Variants in PCNX2 observed in about 807,000 individuals in gnomAD.
PCNX2 encodes the protein pecanex-like protein 2.
In PCNX2, 168 loss-of-function variants were observed where a neutral mutation model predicts 223.8. The observed-to-expected ratio is 0.75, with a 90% CI of 0.66 to 0.85. The LOEUF (loss-of-function observed/expected upper bound fraction) is 0.85. PCNX2 is among the 40% of genes least tolerant of loss of function. PCNX2 has a pLI of 0.00. For synonymous variants in PCNX2, 1,006 were observed against 1,052.6 expected (o/e 0.96, Z 0.86); for missense variants, 2,507 against 2,675.5 (o/e 0.94, Z 1.39).
intron 32 of PCNX2, 113 bp from the exon 33 acceptor site, chr1:232,986,653 ACC>A (rs1487904715): frequency 2.1e-6 from 2 of 957,136 alleles, no homozygotes; most frequent in Non-Finnish European, 3.0e-6. Flanking sequence ...TCCTCAGTGC[ACC>A]ACCTGCAAGG....
intron 21 of PCNX2, among the ~76,000 whole-genome samples, chr1:233,107,960 C>A (rs1187620908): frequency 6.6e-6 from 1 of 152,156 alleles, no homozygotes; most frequent in African/African-American, 2.4e-5. Flanking sequence ...ACCAAGATGG[C>A]GATGAGCGTG....
chr1:233,204,637 T>C (rs758939551), intron 13 of PCNX2, among the ~76,000 whole-genome samples: 12 of 152,200 alleles, frequency 7.9e-5, no homozygotes, highest in African/African-American at 1.4e-4. Context: ...AGAAAAGTAG[T>C]GTAAGCCACT....
At chr1:233,204,160 T>C (rs950258056) in intron 13 of PCNX2, among the ~76,000 whole-genome samples, 15 of 152,180 alleles carry the variant, frequency 9.9e-5, no homozygotes, top group African/African-American at 3.4e-4. Context: ...TAATTCAATA[T>C]GACTGGTGTC....
intron 8 of PCNX2, among the ~76,000 whole-genome samples, chr1:233,248,978 C>A (rs1372549974): frequency 6.6e-6 from 1 of 151,990 alleles, no homozygotes; most frequent in African/African-American, 2.4e-5. Flanking sequence ...AAAGGAAATG[C>A]AGAGGAAATG....
Position 233,054,289 on chromosome 1 carries a change from G to A in PCNX2, c.4330C>T (p.Leu1444Phe). The A allele has an allele frequency of 6.2e-7, 1 of 1,613,712 alleles. No homozygotes were observed. The highest frequency in any genetic ancestry group is 8.5e-7 in the Non-Finnish European group (1 of 1,179,740). The change falls in exon 25 of 34, where the codon CTT (leucine) becomes TTT (phenylalanine). Residue 1444 changes from leucine to phenylalanine, a missense_variant. Coordinates refer to ENST00000258229, the MANE Select transcript of PCNX2 (RefSeq NM_014801.4). The part of the protein sequence containing the change: ...EIGNGLVTFQ[L>F]RGLEFRGTYC... ...TTACCTCGGAATTCCAGTCCTCGAAGTTGAAAGGTGACAAGACCATTTCCA... is the reference window on the plus strand; with the variant it reads ...TTACCTCGGAATTCCAGTCCTCGAAATTGAAAGGTGACAAGACCATTTCCA...
At chr1:233,102,189 A>ATGT (rs1674523267) in intron 21 of PCNX2, among the ~76,000 whole-genome samples, 1 of 149,020 alleles carries the variant, frequency 6.7e-6, no homozygotes, top group Admixed American at 6.8e-5. Flanking sequence ...AGTTCCAATC[A>ATGT]TGTTGTTGCA....
At chr1:233,095,633 T>G (rs1674114367) in intron 22 of PCNX2, 122 bp downstream of exon 22, 3 of 903,400 alleles carry the variant, frequency 3.3e-6, no homozygotes. Context: ...CCTCTTCATG[T>G]CCCCATTAAA....
rs778061205 is a variant in PCNX2, at chr1:233,236,720, C to T, written c.2358+125G>A. 7 of 1,395,616 alleles carry T rather than the reference C, an allele frequency of 5.0e-6. No individual in the cohort carries two copies. The East Asian group carries it at 9.2e-5, about 18-fold the overall frequency. 86.5% of individuals were successfully genotyped at this position (1,395,616 alleles called of 1,614,324 possible). A position where few individuals can be genotyped will look rare whatever the true frequency, so the allele number is the denominator to read the frequency against. ...AGACTGCCTTGCAGTGATATATCAA[C>T]AACCCGTGATGCAAAATTCAGGGAA... On this transcript the variant is annotated intron_variant, in intron 9 of 33. Transcript: ENST00000258229.
At chr1:233,222,373 T>C (rs747212706) in intron 10 of PCNX2, among the ~76,000 whole-genome samples, 53 of 152,048 alleles carry the variant, frequency 3.5e-4, no homozygotes, top group Non-Finnish European at 6.8e-4. Flanking sequence ...GCAGTGACGT[T>C]GAAAAGACAT....
At chr1:233,019,106 A>G (rs1298741854) in intron 26 of PCNX2, 6 of 985,086 alleles carry the variant, frequency 6.1e-6, no homozygotes, top group Non-Finnish European at 7.2e-6. Context: ...TTAGGACTTT[A>G]GCAGGTGAAG....
intron 32 of PCNX2, among the ~76,000 whole-genome samples, chr1:232,996,995 T>C (rs1323396558): frequency 6.6e-6 from 1 of 152,186 alleles, no homozygotes; most frequent in Non-Finnish European, 1.5e-5. Flanking sequence ...ACTGTTTCTC[T>C]ACCTACGCTT....
Position 233,243,229 on chromosome 1 carries a change from T to C in PCNX2, c.2223-6249A>G, listed in dbSNP as rs148607198. Among the ~76,000 whole-genome samples, 1,230 of 152,326 alleles carry C rather than the reference T, an allele frequency of 8.1e-3. 16 individuals carry two copies. The highest frequency in any genetic ancestry group is 0.028 in the African/African-American group (1,166 of 41,558). ...CTTGGGAGTCAGGGATATAAAACTG[T>C]CACACGGTAACAAGGCTCAACAATA... On this transcript the variant is annotated intron_variant, in intron 8 of 33. Transcript: ENST00000258229.
At chr1:233,302,791 C>T in the PCNX2 span, among the ~76,000 whole-genome samples, 4 of 152,100 alleles carry the variant, frequency 2.6e-5, no homozygotes, top group East Asian at 3.9e-4. Context: ...TAGATTATTT[C>T]GAAGTATATT....
intron 32 of PCNX2, among the ~76,000 whole-genome samples, chr1:232,997,044 A>G (rs1558150037): frequency 6.6e-6 from 1 of 152,222 alleles, no homozygotes. Flanking sequence ...GGTTGATGAA[A>G]GCCTCAAAGG....
intron 8 of PCNX2, among the ~76,000 whole-genome samples, chr1:233,247,493 G>A (rs1339006602): frequency 1.3e-5 from 2 of 152,098 alleles, no homozygotes; most frequent in Non-Finnish European, 2.9e-5. Context: ...GCTATGTTTT[G>A]TTTTGTTTTT....
At chr1:233,281,253 T>C (rs1661180189) in intron 1 of PCNX2, among the ~76,000 whole-genome samples, 1 of 152,220 alleles carries the variant, frequency 6.6e-6, no homozygotes, top group Admixed American at 6.5e-5. Context: ...CTAATTGTAG[T>C]CTTGAAAACA....
rs1428365647 is a variant in PCNX2 at position 233,000,659 on chromosome 1, CTGT to C, written c.5098-127_5098-125del. The C allele has an allele frequency of 1.1e-5, 8 of 750,728 alleles. No individual in the cohort carries two copies. Among genetic ancestry groups the C allele is most frequent in the Middle Eastern group, 3.7e-4 (1 of 2,736 alleles). The allele number at this position is 750,728 out of a possible 1,614,324, so 46.5% of individuals were successfully genotyped here. A position where few individuals can be genotyped will look rare whatever the true frequency, so the allele number is the denominator to read the frequency against. On this transcript the variant is annotated intron_variant, in intron 29 of 33. Coordinates refer to ENST00000258229, the MANE Select transcript of PCNX2 (RefSeq NM_014801.4). The surrounding 1 kb of genome is among the most constrained non-coding windows in gnomAD (Gnocchi z 4.6). ...AGCTCTTTCCTCATCTTCCTCTCTC[CTGT>C]TCTTTTTCCAAATCCTGAGCTCGGC... is the stretch of plus-strand genomic sequence containing the variant.
At chr1:233,235,957 A>ATATATATATATATAT (rs1553319645) in intron 9 of PCNX2, among the ~76,000 whole-genome samples, 39 of 93,080 alleles carry the variant, frequency 4.2e-4, no homozygotes, top group African/African-American at 1.4e-3. Flanking sequence ...CATAAAAAAA[A>ATATATATATATATAT]ATATATATAT....
Position 233,075,410 on chromosome 1 carries a change from G to A in PCNX2, c.4076+14651C>T, listed in dbSNP as rs150883054. Among the ~76,000 whole-genome samples the A allele has an allele frequency of 3.9e-5, 6 of 152,230 alleles. No homozygotes were observed. In the East Asian group the frequency reaches 1.2e-3, roughly 29 times the overall value. ...ATGGAGAACAGATTAGAGGTTGACA[G>A]GAGTTATGAAGGGATGGGGACAGGA... On this transcript the variant is annotated intron_variant, in intron 23 of 33. Transcript: ENST00000258229.
Sources: allele counts gnomAD v4.1 joint callset (sites outside exome capture counted in the v4.1 genomes callset), GRCh38; gene constraint gnomAD v4.1.1; non-coding constraint Gnocchi (gnomAD v3.1); transcripts MANE v1.5; gene names NCBI Gene and HGNC (gene_info 2026-07-23, HGNC 2026-07-21).